The following BMERB1 variants were observed in gnomAD, a reference collection of about 807,000 sequenced individuals.
The protein encoded by BMERB1 is bMERB domain containing 1.
In BMERB1, 12 loss-of-function variants were observed where a neutral mutation model predicts 23.6. The ratio of observed to expected loss-of-function variants is 0.51; its 90% CI spans 0.33 to 0.82. BMERB1 has a LOEUF of 0.82. Ranked by LOEUF, BMERB1 falls within the 40% of genes least tolerant of loss-of-function variation. BMERB1 has a pLI of 0.03. For missense variants in BMERB1, 247 were observed against 255.4 expected, an observed-to-expected ratio of 0.97 and a Z score of 0.22; for synonymous variants, 122 against 96.6, an observed-to-expected ratio of 1.26 and a Z score of -1.54.
At chr16:15,437,373 T>C (rs945117295) in intron 1 of BMERB1, among the ~76,000 whole-genome samples, 1 of 152,216 alleles carries the variant, frequency 6.6e-6, no homozygotes, top group Non-Finnish European at 1.5e-5. Flanking sequence ...CTTTATTGTG[T>C]ATACTAAATA....
At chr16:15,458,639 C>T (rs1159785949) in intron 1 of BMERB1, among the ~76,000 whole-genome samples, 3 of 151,346 alleles carry the variant, frequency 2.0e-5, no homozygotes, top group Non-Finnish European at 4.4e-5. Flanking sequence ...ATTGTTTGAG[C>T]CCAGAAGGTC....
chr16:15,586,875 CTT>C lies in BMERB1; in HGVS notation c.*47_*48del, dbSNP rs763886253. On this transcript the variant is annotated 3_prime_UTR_variant, in exon 6 of 6. Transcript: ENST00000300006. ...GGCCATGGGGACCCCCCCCCACCCTCTTGTCTTTATAGCCCCCATTTCACCGG... is the reference window on the plus strand; with the variant it reads ...GGCCATGGGGACCCCCCCCCACCCTCGTCTTTATAGCCCCCATTTCACCGG... The C allele has an allele frequency of 1.7e-4, 216 of 1,268,630 alleles. 5 individuals carry two copies. In the East Asian group the frequency reaches 5.2e-3, roughly 30 times the overall value. 78.6% of individuals were successfully genotyped at this position (1,268,630 alleles called of 1,614,324 possible).
chr16:15,501,799 G>T (rs2051533193), intron 1 of BMERB1, among the ~76,000 whole-genome samples: 1 of 152,080 alleles, frequency 6.6e-6, no homozygotes, highest in Non-Finnish European at 1.5e-5. Flanking sequence ...TATATTTTTA[G>T]TAGAGATGGG....
intron 1 of BMERB1, among the ~76,000 whole-genome samples, chr16:15,513,830 G>A (rs948875238): frequency 6.6e-5 from 10 of 152,022 alleles, no homozygotes; most frequent in African/African-American, 1.9e-4. Flanking sequence ...GGAGGTGAAG[G>A]TTGCATTGAG....
At chr16:15,511,749 C>T (rs755955338) in intron 1 of BMERB1, among the ~76,000 whole-genome samples, 5 of 152,044 alleles carry the variant, frequency 3.3e-5, no homozygotes, top group East Asian at 3.9e-4. Flanking sequence ...CGGTGGCTCG[C>T]GCCTGTAATC....
chr16:15,493,296 G>A (rs535262177), intron 1 of BMERB1, among the ~76,000 whole-genome samples: 1 of 152,294 alleles, frequency 6.6e-6, no homozygotes, highest in South Asian at 2.1e-4. Context: ...AGGTTGCAGT[G>A]AGCTGAGATC....
chr16:15,576,285 G>A (rs1443121344), intron 3 of BMERB1, among the ~76,000 whole-genome samples: 2 of 152,050 alleles, frequency 1.3e-5, no homozygotes, highest in Non-Finnish European at 2.9e-5. Context: ...CTGATCTCGT[G>A]ATCTGCCCGC....
chr16:15,538,818 C>T (rs1050213734), intron 2 of BMERB1, among the ~76,000 whole-genome samples: 14 of 152,228 alleles, frequency 9.2e-5, no homozygotes, highest in Non-Finnish European at 1.6e-4. Flanking sequence ...ACTTGCTGCC[C>T]GACACAGTTA....
chr16:15,500,738 A>G (rs530551074), intron 1 of BMERB1, among the ~76,000 whole-genome samples: 25 of 152,232 alleles, frequency 1.6e-4, no homozygotes, highest in East Asian at 3.9e-4. Flanking sequence ...TGCAACCTCC[A>G]TCCCCCAGGT....
At chr16:15,475,870 T>A (rs2051270985) in intron 1 of BMERB1, among the ~76,000 whole-genome samples, 1 of 152,106 alleles carries the variant, frequency 6.6e-6, no homozygotes, top group Non-Finnish European at 1.5e-5. Flanking sequence ...GCAGGGAAGC[T>A]CTCCCAAGCC....
At chr16:15,586,262 G>C (rs907470356) in intron 5 of BMERB1, among the ~76,000 whole-genome samples, 1 of 152,138 alleles carries the variant, frequency 6.6e-6, no homozygotes, top group African/African-American at 2.4e-5. Flanking sequence ...ACATGTGATA[G>C]GCATTCTAGG....
At chr16:15,525,682 G>A (rs1300708624) in intron 2 of BMERB1, among the ~76,000 whole-genome samples, 3 of 150,368 alleles carry the variant, frequency 2.0e-5, no homozygotes, top group Admixed American at 6.6e-5. Flanking sequence ...TCCAGCCTGG[G>A]CAACAGAGTG....
At chr16:15,536,085 C>T (rs537613545) in intron 2 of BMERB1, among the ~76,000 whole-genome samples, 7 of 152,170 alleles carry the variant, frequency 4.6e-5, no homozygotes, top group African/African-American at 1.7e-4. Flanking sequence ...TATCCTTTTC[C>T]CTGTAGGGTT....
intron 1 of BMERB1, among the ~76,000 whole-genome samples, chr16:15,499,883 G>A (rs2051511181): frequency 6.6e-6 from 1 of 152,210 alleles, no homozygotes. Context: ...AGGAGTCGGG[G>A]TAGGGAGTAA....
intron 1 of BMERB1, among the ~76,000 whole-genome samples, chr16:15,513,365 C>T (rs919446246): frequency 2.6e-5 from 4 of 152,128 alleles, no homozygotes; most frequent in Non-Finnish European, 4.4e-5. Context: ...AAAACCGCCC[C>T]GCCTTCCATG....
chr16:15,450,117 T>TG (rs1230655468), intron 1 of BMERB1, among the ~76,000 whole-genome samples: 1 of 152,010 alleles, frequency 6.6e-6, no homozygotes, highest in Non-Finnish European at 1.5e-5. Context: ...TGGCCCCTGT[T>TG]GCGACCACTC....
intron 1 of BMERB1, among the ~76,000 whole-genome samples, chr16:15,495,986 T>C (rs2051468250): frequency 6.6e-6 from 1 of 151,950 alleles, no homozygotes; most frequent in South Asian, 2.1e-4. Flanking sequence ...ATGATGATAG[T>C]GATGTTGATG....
chr16:15,551,518 G>C (rs142038210), intron 2 of BMERB1, among the ~76,000 whole-genome samples: 37 of 152,304 alleles, frequency 2.4e-4, no homozygotes, highest in African/African-American at 8.2e-4. Context: ...AGAAGGAGAA[G>C]GGATTAGTGA....
At chr16:15,520,277 C>G (rs12933846) in intron 2 of BMERB1, among the ~76,000 whole-genome samples, 37,498 of 151,806 alleles carry the variant, frequency 0.25, 5,807 homozygotes, top group East Asian at 0.51. Context: ...TTCTCAATGC[C>G]AGGACCCCTT....
Sources: allele counts gnomAD v4.1 joint callset (sites outside exome capture counted in the v4.1 genomes callset), GRCh38; gene constraint gnomAD v4.1.1; transcripts MANE v1.5; gene names NCBI Gene and HGNC (gene_info 2026-07-23, HGNC 2026-07-21).